IRAK3: variants seen among roughly 807,000 people sequenced by gnomAD.
IRAK3 encodes interleukin 1 receptor associated kinase 3, also known as interleukin-1 receptor-associated kinase 3.
Under a neutral mutation model 56.6 loss-of-function variants are expected in IRAK3, and 57 were observed. The observed-to-expected ratio is 1.01, with a 90% confidence interval of 0.81 to 1.26. The LOEUF is 1.26. Among genes scored for constraint, IRAK3 ranks in the 50% most tolerant of loss-of-function variants. IRAK3 has a pLI of 0.00. For synonymous variants in IRAK3, 258 were observed against 255.7 expected (o/e 1.01, Z -0.09); for missense variants, 703 against 719.0 (o/e 0.98, Z 0.25).
At chr12:66,235,322 G>GCGGGT in intron 8 of IRAK3, 1 of 385,926 alleles carries the variant, frequency 2.6e-6, no homozygotes, top group South Asian at 9.2e-5. Flanking sequence ...CGGGCGCGGG[G>GCGGGT]CAGCCTGGGC....
intron 8 of IRAK3, among the ~76,000 whole-genome samples, chr12:66,235,889 A>C (rs1856932955): frequency 6.6e-6 from 1 of 152,212 alleles, no homozygotes; most frequent in Admixed American, 6.5e-5. Context: ...TATTTAAAGA[A>C]GTATGTTCTA....
At chr12:66,205,504 T>C (rs1262572727) in intron 2 of IRAK3, among the ~76,000 whole-genome samples, 3 of 152,186 alleles carry the variant, frequency 2.0e-5, no homozygotes, top group Non-Finnish European at 4.4e-5. Flanking sequence ...AAAAAGTTAA[T>C]TATGTAGTTG....
At chr12:66,220,514 CTTTTTTTTTTTT>C (rs1555203808) in intron 6 of IRAK3, among the ~76,000 whole-genome samples, 1 of 67,350 alleles carries the variant, frequency 1.5e-5, no homozygotes, top group Non-Finnish European at 2.5e-5. Context: ...GTTCTTCTTT[CTTTTTTTTTTTT>C]TTTTTTTTTT....
intron 8 of IRAK3, among the ~76,000 whole-genome samples, chr12:66,232,410 G>A (rs1251284914): frequency 6.6e-6 from 1 of 152,146 alleles, no homozygotes; most frequent in African/African-American, 2.4e-5. Flanking sequence ...TGCTGAGCCT[G>A]CCAGCAAAGA....
intron 1 of IRAK3, among the ~76,000 whole-genome samples, chr12:66,199,906 A>C (rs1269713144): frequency 6.6e-6 from 1 of 152,180 alleles, no homozygotes; most frequent in Non-Finnish European, 1.5e-5. Flanking sequence ...GCTATCTAAA[A>C]CATATATTGG....
chr12:66,228,135 C>G, intron 7 of IRAK3, 117 bp from the exon 8 acceptor site: 1 of 817,678 alleles, frequency 1.2e-6, no homozygotes, highest in Non-Finnish European at 2.2e-6. Context: ...AACGTTGATT[C>G]ACCCACCTCA....
intron 9 of IRAK3, 109 bp downstream of exon 9, chr12:66,244,793 C>G: frequency 9.1e-7 from 1 of 1,099,098 alleles, no homozygotes; most frequent in Non-Finnish European, 1.4e-6. Context: ...TTCCTGTTAG[C>G]TCATCTTATA....
intron 1 of IRAK3, among the ~76,000 whole-genome samples, chr12:66,195,785 G>T (rs895913105): frequency 1.3e-5 from 2 of 151,972 alleles, no homozygotes; most frequent in Non-Finnish European, 2.9e-5. Flanking sequence ...TCAGCATCCC[G>T]AGTGGGATTA....
In IRAK3 at chr12:66,247,901, T is replaced by G. The variant is rs1157422234; in HGVS notation, c.1521T>G (p.Phe507Leu). The G allele has an allele frequency of 6.2e-7, 1 of 1,614,208 alleles. No individual in the cohort carries two copies. The highest frequency in any genetic ancestry group is 1.1e-5 in the South Asian group (1 of 91,086). Reference sequence around the variant, plus strand: ...ACAGAATGACTCAGAAAACTCCTTTTGAATGCAGCCAGTCTGAGGTTATGT... The same window carrying G: ...ACAGAATGACTCAGAAAACTCCTTTGGAATGCAGCCAGTCTGAGGTTATGT... ...RIDRMTQKTP[F>L]ECSQSEVMFL... Residue 507 changes from phenylalanine to leucine, a missense_variant, in exon 12 of 12, where the codon TTT (phenylalanine) becomes TTG (leucine). Transcript: ENST00000261233.
chr12:66,243,779 G>T (rs1256345737), intron 8 of IRAK3, among the ~76,000 whole-genome samples: 1 of 152,172 alleles, frequency 6.6e-6, no homozygotes, highest in Non-Finnish European at 1.5e-5. Context: ...GTGGGAAATG[G>T]ATCTCTCTCT....
rs559521007 is a variant in IRAK3 at position 66,248,418 on chromosome 12, C to A, written c.*247C>A. On this transcript the variant is annotated 3_prime_UTR_variant, in exon 12 of 12. Coordinates refer to ENST00000261233, the MANE Select transcript of IRAK3 (RefSeq NM_007199.3). ...AAATCCACGCTCAATTAGAGCCATT[C>A]AAAATTCCTTAAGATCATGGGTTCT... 22 of 388,364 alleles carry A rather than the reference C, an allele frequency of 5.7e-5. 1 individual carries two copies. The South Asian group carries it at 8.6e-4, about 15-fold the overall frequency. The allele number at this position is 388,364 out of a possible 1,614,324, so 24.1% of individuals were successfully genotyped here.
At chr12:66,239,416 G>A (rs1365210957) in intron 8 of IRAK3, among the ~76,000 whole-genome samples, 1 of 152,000 alleles carries the variant, frequency 6.6e-6, no homozygotes, top group Non-Finnish European at 1.5e-5. Context: ...AGGGCATAGG[G>A]GGCCACAGAT....
chr12:66,209,521 G>T lies in IRAK3; in HGVS notation c.381+1G>T, dbSNP rs150116809. The T allele has an allele frequency of 1.0e-4, 160 of 1,547,060 alleles. No individual in the cohort carries two copies. The Middle Eastern group carries it at 2.0e-3, about 20-fold the overall frequency. ...TGGATTTCCAAATATATTATTCAAG[G>T]TAGAGTATGTGTGCATAGAAAATGA... On this transcript the variant is annotated splice_donor_variant, in intron 3 of 11. Transcript: ENST00000261233. LOFTEE classifies it high-confidence loss of function.
intron 8 of IRAK3, among the ~76,000 whole-genome samples, chr12:66,231,502 C>A (rs2052843623): frequency 6.6e-6 from 1 of 152,198 alleles, no homozygotes; most frequent in Admixed American, 6.5e-5. Flanking sequence ...AAGGTTCAAC[C>A]TGGTGATCAG....
intron 8 of IRAK3, among the ~76,000 whole-genome samples, chr12:66,229,304 C>T (rs555947643): frequency 1.2e-4 from 18 of 152,270 alleles, no homozygotes; most frequent in African/African-American, 4.1e-4. Flanking sequence ...ATCATTCACC[C>T]AGAGTAAATA....
intron 1 of IRAK3, among the ~76,000 whole-genome samples, chr12:66,199,985 C>A (rs912330466): frequency 6.6e-6 from 1 of 152,090 alleles, no homozygotes; most frequent in Non-Finnish European, 1.5e-5. Context: ...TATATTCTTG[C>A]CAGAACTTGA....
intron 6 of IRAK3, among the ~76,000 whole-genome samples, chr12:66,217,646 T>C (rs2052690640): frequency 6.6e-6 from 1 of 152,174 alleles, no homozygotes; most frequent in African/African-American, 2.4e-5. Flanking sequence ...TTGATGTGCA[T>C]ATTATTTTTC....
intron 2 of IRAK3, among the ~76,000 whole-genome samples, chr12:66,204,185 A>G (rs2052535706): frequency 6.6e-6 from 1 of 152,210 alleles, no homozygotes; most frequent in Non-Finnish European, 1.5e-5. Flanking sequence ...TTAGCAGTTA[A>G]TAGAATCAGC....
intron 8 of IRAK3, chr12:66,234,228 T>G: frequency 6.2e-7 from 1 of 1,613,852 alleles, no homozygotes; most frequent in South Asian, 1.1e-5. Context: ...GTTGCAGGCA[T>G]GTATGTTCCG....
Sources: gnomAD v4.1 joint callset for allele counts (sites outside exome capture counted in the v4.1 genomes callset) on GRCh38, gnomAD v4.1.1 for gene constraint, MANE v1.5 for transcripts, NCBI Gene and HGNC (gene_info 2026-07-23, HGNC 2026-07-21) for gene names.